CTTNBP2: variants seen among roughly 807,000 people sequenced by gnomAD.
CTTNBP2 encodes the protein cortactin binding protein 2, also known as cortactin-binding protein 2.
In CTTNBP2, 108 loss-of-function variants were observed where a neutral mutation model predicts 156.9. That is an observed-to-expected ratio of 0.69 (90% CI 0.59 to 0.81). The LOEUF is 0.81. Ranked by LOEUF, CTTNBP2 falls within the 30% of genes least tolerant of loss-of-function variation. The probability of loss-of-function intolerance (pLI) is 0.00; values close to 1 mark genes in which losing one functional copy is unlikely to be tolerated. For synonymous variants in CTTNBP2, 767 were observed against 751.8 expected, an observed-to-expected ratio of 1.02 and a Z score of -0.33; for missense variants, 1,924 against 2,035.4, an observed-to-expected ratio of 0.95 and a Z score of 1.05.
intron 2 of CTTNBP2, among the ~76,000 whole-genome samples, chr7:117,831,234 A>G (rs950060549): frequency 2.6e-5 from 4 of 152,194 alleles, no homozygotes; most frequent in East Asian, 1.9e-4. Context: ...AACAGCCTTC[A>G]TTAGAACTCC....
At chr7:117,788,138 C>A (rs569033416) in intron 4 of CTTNBP2, among the ~76,000 whole-genome samples, 1 of 152,160 alleles carries the variant, frequency 6.6e-6, no homozygotes, top group South Asian at 2.1e-4. Flanking sequence ...CCATGCCCAG[C>A]TAATTTTTAT....
At chr7:117,721,020 T>G (rs1335251323) in intron 20 of CTTNBP2, 47 bp downstream of exon 20, 1 of 1,134,996 alleles carries the variant, frequency 8.8e-7, no homozygotes, top group East Asian at 2.3e-5. Context: ...TGAAGTTACT[T>G]GATTTATCTT....
chr7:117,769,105 C>G (rs1330953317), intron 8 of CTTNBP2, among the ~76,000 whole-genome samples: 1 of 152,202 alleles, frequency 6.6e-6, no homozygotes, highest in Non-Finnish European at 1.5e-5. Flanking sequence ...TTAGTCCATA[C>G]TTCAAAGAGC....
At chr7:117,801,502 G>A (rs1457805324) in intron 3 of CTTNBP2, among the ~76,000 whole-genome samples, 1 of 152,142 alleles carries the variant, frequency 6.6e-6, no homozygotes, top group Admixed American at 6.5e-5. Context: ...CTTGAATTGG[G>A]AAAATAATTG....
At chr7:117,737,151 A>T (rs1013040348) in intron 14 of CTTNBP2, among the ~76,000 whole-genome samples, 2 of 152,154 alleles carry the variant, frequency 1.3e-5, no homozygotes, top group Non-Finnish European at 2.9e-5. Flanking sequence ...TGTGTGTCAG[A>T]TCCCTTTCAA....
Position 117,865,325 on chromosome 7 carries a change from C to G in CTTNBP2, c.82-4009G>C, listed in dbSNP as rs987388031. ...CTTTTCCCAATTAAAAAAGAAAAAT[C>G]CAGCTATTTTTTAGTGATGAAAAGA... is the stretch of plus-strand genomic sequence containing the variant. On this transcript the variant is annotated intron_variant, in intron 1 of 22. Transcript: ENST00000160373. Among the ~76,000 whole-genome samples, 7 of 151,640 alleles carry G rather than the reference C, an allele frequency of 4.6e-5. No individual in the cohort carries two copies. The South Asian group carries it at 1.5e-3, about 32-fold the overall frequency.
chr7:117,828,745 A>T (rs1801440002), intron 2 of CTTNBP2, among the ~76,000 whole-genome samples: 1 of 152,178 alleles, frequency 6.6e-6, no homozygotes, highest in African/African-American at 2.4e-5. Context: ...TTCATCAAGA[A>T]CTGTCTATGT....
At chr7:117,808,019 G>A (rs1028496539) in intron 3 of CTTNBP2, among the ~76,000 whole-genome samples, 3 of 152,090 alleles carry the variant, frequency 2.0e-5, no homozygotes, top group African/African-American at 2.4e-5. Flanking sequence ...TTTATATTGC[G>A]CTGCCACATA....
intron 2 of CTTNBP2, among the ~76,000 whole-genome samples, chr7:117,832,166 G>A (rs1239615418): frequency 6.6e-6 from 1 of 151,994 alleles, no homozygotes; most frequent in Admixed American, 6.6e-5. Context: ...TGTCCACAGA[G>A]ACATCACTTC....
intron 2 of CTTNBP2, among the ~76,000 whole-genome samples, chr7:117,856,448 C>A (rs1803324068): frequency 3.9e-5 from 6 of 152,194 alleles, no homozygotes; most frequent in Admixed American, 3.9e-4. Context: ...GAGAAATGAA[C>A]TTATTTAATC....
chr7:117,760,783 A>G, intron 9 of CTTNBP2, 73 bp from the exon 10 acceptor site: 1 of 959,690 alleles, frequency 1.0e-6, no homozygotes, highest in South Asian at 1.6e-5. Context: ...ATTACATAAA[A>G]TAAGCAGATA....
chr7:117,771,760 TC>T (rs1797808319), intron 8 of CTTNBP2, among the ~76,000 whole-genome samples: 1 of 152,148 alleles, frequency 6.6e-6, no homozygotes, highest in African/African-American at 2.4e-5. Flanking sequence ...AAGTAACTGT[TC>T]AGAGGAGATG....
chr7:117,865,678 A>G (rs1804133547), intron 1 of CTTNBP2, among the ~76,000 whole-genome samples: 1 of 146,118 alleles, frequency 6.8e-6, no homozygotes, highest in Admixed American at 6.7e-5. Flanking sequence ...CTCCAAAAAA[A>G]AAAAAAAAAA....
In CTTNBP2 at chr7:117,846,600, T is replaced by C. The variant is rs978204502; in HGVS notation, c.189+14609A>G. 2.6e-5 allele frequency among the ~76,000 whole-genome samples: 4 copies of C among 152,166 alleles called. No homozygotes were observed. In the East Asian group the frequency reaches 5.8e-4, roughly 22 times the overall value. On this transcript the variant is annotated intron_variant, in intron 2 of 22. Coordinates refer to ENST00000160373, the MANE Select transcript of CTTNBP2 (RefSeq NM_033427.3). The stretch of plus-strand genomic sequence containing the variant: ...AAAAAAAGAAATATACTTTAAAATA[T>C]CATATAATGCTATTTACACTGTTAA...
At position 117,810,900 on chromosome 7, in the gene CTTNBP2, T is replaced by A. The variant is rs773109298; in HGVS notation, c.279A>T (p.Ala93=). 2.5e-6 allele frequency: 4 copies of A among 1,614,180 alleles called. No individual in the cohort carries two copies. The Admixed American group carries it at 6.7e-5, about 27-fold the overall frequency. Reference sequence around the variant, plus strand: ...GCTTCTTCTCTTTGTCACCAGCACCTGCTTCATAGTCTCTCTGGAGTGCCA... The same window carrying A: ...GCTTCTTCTCTTTGTCACCAGCACCAGCTTCATAGTCTCTCTGGAGTGCCA... The part of the protein sequence containing the change: ...PFLALQRDYE[A]GAGDKEKKPV... The change falls in exon 3 of 23, where the codon GCA becomes GCT. Residue 93 remains alanine, a synonymous_variant. Transcript: ENST00000160373.
chr7:117,842,024 T>C (rs977387675), intron 2 of CTTNBP2, among the ~76,000 whole-genome samples: 8 of 152,032 alleles, frequency 5.3e-5, no homozygotes, highest in African/African-American at 1.9e-4. Context: ...GACACCTGGG[T>C]TGAACCCCAG....
Position 117,792,119 on chromosome 7 carries a change from C to T in CTTNBP2, c.1077G>A (p.Gln359=), listed in dbSNP as rs1343267880. The T allele has an allele frequency of 6.2e-7, 1 of 1,614,144 alleles. No individual in the cohort carries two copies. Among genetic ancestry groups the T allele is most frequent in the African/African-American group, 1.3e-5 (1 of 75,032 alleles). ...CGCCAATCAAGTCACCATAGGAAGC[C>T]TGCCTGTCAATACCTGGTCTGGCCA... is the stretch of plus-strand genomic sequence containing the variant. ...ATMARPGIDR[Q]ASYGDLIGAS... The change falls in exon 4 of 23, where the codon CAG becomes CAA. Residue 359 remains glutamine, a synonymous_variant. Transcript: ENST00000160373. This position sits in a 1 kb window ranked among gnomAD's most constrained non-coding sequence, Gnocchi z 4.2.
chr7:117,717,979 A>G, intron 22 of CTTNBP2, 39 bp downstream of exon 22: 2 of 1,250,110 alleles, frequency 1.6e-6, no homozygotes, highest in South Asian at 1.2e-5. Flanking sequence ...TTCCACAGCA[A>G]TCATCCTTTG....
At chr7:117,822,851 A>T (rs1801049408) in intron 2 of CTTNBP2, among the ~76,000 whole-genome samples, 1 of 152,238 alleles carries the variant, frequency 6.6e-6, no homozygotes, top group African/African-American at 2.4e-5. Flanking sequence ...ATGTCAATTC[A>T]TCAAGGTGGC....
Sources: gnomAD v4.1 joint callset for allele counts (sites outside exome capture counted in the v4.1 genomes callset) on GRCh38, gnomAD v4.1.1 for gene constraint, Gnocchi (gnomAD v3.1) non-coding constraint, MANE v1.5 for transcripts, NCBI Gene and HGNC (gene_info 2026-07-23, HGNC 2026-07-21) for gene names.